CEP192: variants seen among roughly 807,000 people sequenced by gnomAD.
CEP192 encodes the protein centrosomal protein 192.
CEP192 carries 151 observed loss-of-function variants against 271.8 expected under a neutral mutation model. That is an observed-to-expected ratio of 0.56 (90% CI 0.49 to 0.64). CEP192 has a LOEUF of 0.64. Among genes scored for constraint, CEP192 ranks in the 30% least tolerant of loss-of-function variants. CEP192 has a pLI of 0.00. For missense variants in CEP192, 2,910 were observed against 3,020.5 expected, an observed-to-expected ratio of 0.96 and a Z score of 0.86; for synonymous variants, 995 against 1,076.5, an observed-to-expected ratio of 0.92 and a Z score of 1.48.
At chr18:12,993,271 G>A (rs1252707246) in intron 1 of CEP192, among the ~76,000 whole-genome samples, 1 of 152,166 alleles carries the variant, frequency 6.6e-6, no homozygotes, top group South Asian at 2.1e-4. Context: ...TGGAGGAAAG[G>A]TAACAAGTTT....
chr18:13,124,961 A>T lies in CEP192; in HGVS notation c.*191A>T, dbSNP rs1009054557. 2.2e-6 allele frequency: 1 copy of T among 454,324 alleles called. No homozygotes were observed. The highest frequency in any genetic ancestry group is 4.0e-6 in the Non-Finnish European group (1 of 252,820). The allele number at this position is 454,324 out of a possible 1,614,324, so 28.1% of individuals were successfully genotyped here. A position where few individuals can be genotyped will look rare whatever the true frequency, so the allele number is the denominator to read the frequency against. ...GTATCTAGCCCATAGTATTGTACTT[A>T]ACTTTTACAGGTGAGAAGAGAGTTC... On this transcript the variant is annotated 3_prime_UTR_variant, in exon 45 of 45. Coordinates refer to ENST00000506447, the MANE Select transcript of CEP192 (RefSeq NM_032142.4).
At chr18:13,006,308 A>G (rs1375455571) in intron 3 of CEP192, among the ~76,000 whole-genome samples, 2 of 151,176 alleles carry the variant, frequency 1.3e-5, no homozygotes, top group South Asian at 2.1e-4. Flanking sequence ...GTGGATGTAC[A>G]CTTGACCCTT....
intron 7 of CEP192, among the ~76,000 whole-genome samples, chr18:13,017,611 T>A (rs1165124580): frequency 2.0e-5 from 3 of 152,220 alleles, no homozygotes; most frequent in African/African-American, 7.2e-5. Context: ...TGCATTTTCT[T>A]TCTCTCTCCA....
intron 1 of CEP192, among the ~76,000 whole-genome samples, chr18:12,995,018 T>C (rs1287412424): frequency 6.6e-6 from 1 of 151,218 alleles, no homozygotes; most frequent in African/African-American, 2.4e-5. Flanking sequence ...TCAGGGCAGG[T>C]TGTTTCCTGC....
chr18:13,068,181 C>T lies in CEP192; in HGVS notation c.4702C>T (p.Arg1568Trp), dbSNP rs747675934. 49 of 1,614,094 alleles carry T rather than the reference C, an allele frequency of 3.0e-5. 1 individual carries two copies. The Admixed American group carries it at 3.8e-4, about 13-fold the overall frequency. ...EVAPCADVVT[R>W]LAGPSVVNHM... Reference sequence around the variant, plus strand: ...TGCTCCTTGCGCTGATGTGGTCACTCGGCTAGCAGGCCCTTCTGTGGTCAA... The same window carrying T: ...TGCTCCTTGCGCTGATGTGGTCACTTGGCTAGCAGGCCCTTCTGTGGTCAA... The change falls in exon 23 of 45, where the codon CGG (arginine) becomes TGG (tryptophan). Residue 1568 changes from arginine (R) to tryptophan (W), a missense_variant. Physicochemically the swap from Arg to Trp is moderately radical, Grantham distance 101. Coordinates refer to ENST00000506447, the MANE Select transcript of CEP192 (RefSeq NM_032142.4).
At position 13,113,566 on chromosome 18, in the gene CEP192, C is replaced by G. The variant is rs1438499863; in HGVS notation, c.7048-20C>G. ...TTTAATGATCAGTGTCTAAATTTCT[C>G]TTCTGTATGTATTTCGTAGGTCTCC... On this transcript the variant is annotated intron_variant, in intron 40 of 44. Coordinates refer to ENST00000506447, the MANE Select transcript of CEP192 (RefSeq NM_032142.4). 1.9e-6 allele frequency: 3 copies of G among 1,611,070 alleles called. No individual in the cohort carries two copies. Among genetic ancestry groups the G allele is most frequent in the East Asian group, 2.2e-5 (1 of 44,832 alleles).
In CEP192 at chr18:13,095,493, A is replaced by T; in HGVS notation, c.6255-10A>T. On this transcript the variant is annotated splice_polypyrimidine_tract_variant and intron_variant, in intron 34 of 44. Coordinates refer to ENST00000506447, the MANE Select transcript of CEP192 (RefSeq NM_032142.4). ...ATGTCTAACTTTTTCATTTTTAAATAATTTTTTAGCGACTTGGGAGCTTCT... is the reference window on the plus strand; with the variant it reads ...ATGTCTAACTTTTTCATTTTTAAATTATTTTTTAGCGACTTGGGAGCTTCT... 1 of 1,583,932 alleles carries T rather than the reference A, an allele frequency of 6.3e-7. No individual in the cohort carries two copies. Among genetic ancestry groups the T allele is most frequent in the Non-Finnish European group, 8.6e-7 (1 of 1,168,362 alleles).
intron 30 of CEP192, among the ~76,000 whole-genome samples, chr18:13,075,306 G>T (rs1419560659): frequency 6.6e-6 from 1 of 151,762 alleles, no homozygotes; most frequent in Non-Finnish European, 1.5e-5. Flanking sequence ...GTGGCTCTAT[G>T]CCTGTAATCC....
Position 13,056,570 on chromosome 18 carries a change from C to A in CEP192, c.3980C>A (p.Ser1327Tyr), listed in dbSNP as rs2037117607. Residue 1327 changes from serine to tyrosine, a missense_variant, in exon 19 of 45, where the codon TCC (serine) becomes TAC (tyrosine). By Grantham distance (144) the Ser-to-Tyr change is moderately radical. Transcript: ENST00000506447. ...GGCTCTGGATGGATGGGTACCTCTT[C>A]CCTCTGTAACCCATATTCTAATACC... ...NIGSGWMGTS[S>Y]LCNPYSNTLN... 4 of 1,614,022 alleles carry A rather than the reference C, an allele frequency of 2.5e-6. No homozygotes were observed. The highest frequency in any genetic ancestry group is 1.3e-5 in the African/African-American group (1 of 74,918).
At chr18:13,043,818 A>G (rs1287218535) in intron 15 of CEP192, among the ~76,000 whole-genome samples, 1 of 152,148 alleles carries the variant, frequency 6.6e-6, no homozygotes, top group Non-Finnish European at 1.5e-5. Flanking sequence ...CAGATTTTTC[A>G]CATCATCTTG....
intron 17 of CEP192, 74 bp downstream of exon 17, chr18:13,049,965 G>A: frequency 8.0e-7 from 1 of 1,255,854 alleles, no homozygotes; most frequent in Non-Finnish European, 1.1e-6. Context: ...AATGTGTAAA[G>A]AAGAAAAATT....
intron 15 of CEP192, 138 bp downstream of exon 15, chr18:13,042,472 C>T: frequency 1.1e-6 from 1 of 873,434 alleles, no homozygotes; most frequent in Non-Finnish European, 1.7e-6. Flanking sequence ...TGCAAGTGTC[C>T]TTTAAATTTT....
At chr18:13,103,385 C>T (rs878994667) in intron 38 of CEP192, 124 bp from the exon 39 acceptor site, 4 of 683,322 alleles carry the variant, frequency 5.9e-6, no homozygotes, top group African/African-American at 3.6e-5. Flanking sequence ...TCTTGTTGAA[C>T]TCCTTTAGGG....
chr18:13,045,962 T>C (rs992842046), intron 15 of CEP192, among the ~76,000 whole-genome samples: 28 of 152,216 alleles, frequency 1.8e-4, no homozygotes, highest in Admixed American at 1.7e-3. Context: ...GGACATACTG[T>C]TGGATTTTGC....
chr18:13,081,583 C>G (rs929263926), intron 30 of CEP192, among the ~76,000 whole-genome samples: 10 of 152,150 alleles, frequency 6.6e-5, no homozygotes, highest in Admixed American at 6.5e-5. Context: ...TTTCAAAAAA[C>G]CAGCTCCTGG....
rs376170785 is a variant in CEP192 at position 13,049,498 on chromosome 18, C to T, written c.2707C>T (p.Pro903Ser). The part of the protein sequence containing the change: ...NDEKATSIST[P>S]SDSYSSVRNP... ...TGAAAAAGCTACCTCAATTTCCACT[C>T]CATCTGATAGTTATTCATCAGTGAG... Residue 903 changes from proline (P) to serine (S), a missense_variant, in exon 16 of 45, where the codon CCA becomes TCA. Transcript: ENST00000506447. The T allele has an allele frequency of 6.2e-7, 1 of 1,613,980 alleles. No individual in the cohort carries two copies. Among genetic ancestry groups the T allele is most frequent in the Non-Finnish European group, 8.5e-7 (1 of 1,180,022 alleles).
chr18:13,088,857 A>G (rs927034722), intron 32 of CEP192: 1 of 435,472 alleles, frequency 2.3e-6, no homozygotes, highest in Non-Finnish European at 4.6e-6. Context: ...TTTGTTTCTT[A>G]ATTATTTTGG....
rs200488211 is a variant in CEP192, at chr18:12,998,675, A to AT, written c.-4-738dup. On this transcript the variant is annotated intron_variant, in intron 1 of 44. Coordinates refer to ENST00000506447, the MANE Select transcript of CEP192 (RefSeq NM_032142.4). The stretch of plus-strand genomic sequence containing the variant: ...CAAGGCGCATTGCCAATATCCTCTC[A>AT]TTTTTTTTAGCTTTTCCTGATTATT... Among the ~76,000 whole-genome samples the AT allele has an allele frequency of 6.1e-3, 921 of 151,830 alleles. 10 individuals carry two copies. The highest frequency in any genetic ancestry group is 0.021 in the African/African-American group (871 of 41,342).
intron 3 of CEP192, among the ~76,000 whole-genome samples, chr18:13,007,069 T>C (rs980973727): frequency 4.6e-5 from 7 of 152,170 alleles, no homozygotes; most frequent in Non-Finnish European, 1.0e-4. Context: ...TTTTTGTGTT[T>C]CTCCCTGGCA....
Sources: allele counts gnomAD v4.1 joint callset (sites outside exome capture counted in the v4.1 genomes callset), GRCh38; gene constraint gnomAD v4.1.1; transcripts MANE v1.5; gene names NCBI Gene and HGNC (gene_info 2026-07-23, HGNC 2026-07-21).